NDUFA13: variants seen among roughly 807,000 people sequenced by gnomAD.
NDUFA13 encodes the protein NADH dehydrogenase [ubiquinone] 1 alpha subcomplex subunit 13.
A neutral mutation model predicts 17.0 loss-of-function variants in NDUFA13; 16 were observed. That is an observed-to-expected ratio of 0.94 (90% CI 0.64 to 1.43). NDUFA13 has a LOEUF of 1.43. NDUFA13 is among the 40% of genes most tolerant of loss of function. The pLI is 0.00. For synonymous variants in NDUFA13, 87 were observed against 78.4 expected, an observed-to-expected ratio of 1.11 and a Z score of -0.58; for missense variants, 228 against 206.7, an observed-to-expected ratio of 1.10 and a Z score of -0.63.
chr19:19,525,042 C>T (rs942730725), intron 1 of NDUFA13, among the ~76,000 whole-genome samples: 1 of 151,690 alleles, frequency 6.6e-6, no homozygotes, highest in African/African-American at 2.4e-5. Context: ...GTCTCAAAAC[C>T]AAAAACCAAA....
intron 1 of NDUFA13, among the ~76,000 whole-genome samples, chr19:19,523,916 C>T (rs975748332): frequency 1.3e-5 from 2 of 152,078 alleles, no homozygotes; most frequent in East Asian, 1.9e-4. Flanking sequence ...GGCTACAGAG[C>T]GAGACTTTGT....
At chr19:19,523,994 T>C (rs1232508289) in intron 1 of NDUFA13, among the ~76,000 whole-genome samples, 3 of 152,164 alleles carry the variant, frequency 2.0e-5, no homozygotes, top group African/African-American at 7.2e-5. Flanking sequence ...AGTTGCAAAC[T>C]CCTAGTCAAG....
intron 2 of NDUFA13, 39 bp downstream of exon 2, chr19:19,526,299 C>CG (rs772094689): frequency 6.2e-7 from 1 of 1,607,092 alleles, no homozygotes; most frequent in South Asian, 1.1e-5. Flanking sequence ...AGTGCCCCCC[C>CG]GGCGAGTTGT....
intron 1 of NDUFA13, among the ~76,000 whole-genome samples, chr19:19,522,672 G>A (rs1351562413): frequency 6.6e-6 from 1 of 151,910 alleles, no homozygotes; most frequent in Non-Finnish European, 1.5e-5. Flanking sequence ...TAGAGACAGG[G>A]TTTCACCGTG....
intron 1 of NDUFA13, among the ~76,000 whole-genome samples, chr19:19,524,133 A>C (rs981532243): frequency 1.2e-4 from 18 of 152,100 alleles, no homozygotes; most frequent in African/African-American, 4.3e-4. Flanking sequence ...AAACAAAAAG[A>C]ATGGTCCACA....
chr19:19,524,391 A>G (rs756804683), intron 1 of NDUFA13, among the ~76,000 whole-genome samples: 12 of 152,084 alleles, frequency 7.9e-5, no homozygotes, highest in Non-Finnish European at 1.5e-4. Context: ...TCTTCTTTGG[A>G]ATTTATCTTA....
In NDUFA13 at chr19:19,516,334, T is replaced by G; in HGVS notation, c.94+2T>G. The G allele has an allele frequency of 6.2e-7, 1 of 1,613,006 alleles. No individual in the cohort carries two copies. Among genetic ancestry groups the G allele is most frequent in the Non-Finnish European group, 8.5e-7 (1 of 1,179,926 alleles). On this transcript the variant is annotated splice_donor_variant, in intron 1 of 4. Coordinates refer to ENST00000507754, the MANE Select transcript of NDUFA13 (RefSeq NM_015965.7). LOFTEE classifies it high-confidence loss of function. The stretch of plus-strand genomic sequence containing the variant: ...ACTTGCCGCGTCGAGGACTGTCGGG[T>G]CAGTATCACTCTGCGCCGGGGTCTC...
chr19:19,516,517 T>A (rs1344054886), intron 1 of NDUFA13, among the ~76,000 whole-genome samples, 185 bp downstream of exon 1: 1 of 152,264 alleles, frequency 6.6e-6, no homozygotes, highest in Non-Finnish European at 1.5e-5. Flanking sequence ...CCAGCTCCTC[T>A]TCCTTCTCGT....
intron 1 of NDUFA13, among the ~76,000 whole-genome samples, chr19:19,525,297 G>A (rs1223441382): frequency 6.6e-6 from 1 of 152,226 alleles, no homozygotes; most frequent in Admixed American, 6.5e-5. Flanking sequence ...TCTAGCAGAG[G>A]TGCCCCCGTG....
chr19:19,519,997 C>G (rs1324434526), intron 1 of NDUFA13, among the ~76,000 whole-genome samples: 1 of 108,252 alleles, frequency 9.2e-6, no homozygotes, highest in African/African-American at 3.5e-5. Context: ...TTTTTTGAGA[C>G]AGAGTCTTGT....
intron 2 of NDUFA13, 186 bp downstream of exon 2, chr19:19,526,446 A>G: frequency 1.5e-6 from 1 of 665,986 alleles, no homozygotes; most frequent in South Asian, 1.7e-5. Context: ...TGTCCTCGAG[A>G]TGTCTCCATG....
chr19:19,527,625 G>A, intron 3 of NDUFA13, 76 bp from the exon 4 acceptor site: 3 of 1,198,874 alleles, frequency 2.5e-6, no homozygotes, highest in African/African-American at 1.5e-5. Context: ...GCTTGAAGGG[G>A]TGCTACTAGG....
intron 1 of NDUFA13, among the ~76,000 whole-genome samples, chr19:19,522,094 C>T (rs1156624853): frequency 6.6e-6 from 1 of 151,970 alleles, no homozygotes; most frequent in Non-Finnish European, 1.5e-5. Context: ...CACTTGAGGT[C>T]AGGAGTTTGA....
rs573414504 is a variant in NDUFA13 at position 19,526,131 on chromosome 19, G to A, written c.95-51G>A. 9 of 1,603,990 alleles carry A rather than the reference G, an allele frequency of 5.6e-6. No individual in the cohort carries two copies. The Admixed American group carries it at 8.5e-5, about 15-fold the overall frequency. ...AGTGGGCAGCGCCTGGAGCTGTGGA[G>A]GAGGGTGTCTGGGGGCGGGCTGGCC... On this transcript the variant is annotated intron_variant, in intron 1 of 4. Transcript: ENST00000507754.
At position 19,523,493 on chromosome 19, in the gene NDUFA13, C is replaced by T. The variant is rs1030287376; in HGVS notation, c.95-2689C>T. ...TTTGTTTTCTGAAACAAAGTTTTCT[C>T]TGTCACCTAGGCTGGAGTACAGTGG... is the stretch of plus-strand genomic sequence containing the variant. On this transcript the variant is annotated intron_variant, in intron 1 of 4. Transcript: ENST00000507754. Among the ~76,000 whole-genome samples the T allele has an allele frequency of 2.6e-5, 4 of 151,856 alleles. No individual in the cohort carries two copies. In the East Asian group the frequency reaches 7.7e-4, roughly 29 times the overall value.
At chr19:19,518,345 C>G (rs1311169339) in intron 1 of NDUFA13, among the ~76,000 whole-genome samples, 4 of 151,754 alleles carry the variant, frequency 2.6e-5, no homozygotes, top group Non-Finnish European at 4.4e-5. Flanking sequence ...AGCAATTCTC[C>G]TGTCTCAGCC....
At chr19:19,527,832 G>GAGCTCCCAC (rs1835546965) in intron 4 of NDUFA13, 62 bp downstream of exon 4, 1 of 1,519,658 alleles carries the variant, frequency 6.6e-7, no homozygotes, top group Middle Eastern at 1.7e-4. Context: ...TGGGGTTGGG[G>GAGCTCCCAC]AGCTCCCACA....
chr19:19,521,464 C>T (rs542279300), intron 1 of NDUFA13, among the ~76,000 whole-genome samples: 140 of 152,268 alleles, frequency 9.2e-4, no homozygotes, highest in Non-Finnish European at 1.7e-3. Context: ...GCTGTCCTCC[C>T]GCCTCAGCCT....
At chr19:19,517,353 G>T (rs2061054579) in intron 1 of NDUFA13, among the ~76,000 whole-genome samples, 1 of 151,890 alleles carries the variant, frequency 6.6e-6, no homozygotes, top group Admixed American at 6.6e-5. Flanking sequence ...CTCCTGAGAA[G>T]CTGGGATTAC....
Sources: allele counts gnomAD v4.1 joint callset (sites outside exome capture counted in the v4.1 genomes callset), GRCh38; gene constraint gnomAD v4.1.1; transcripts MANE v1.5; gene names NCBI Gene and HGNC (gene_info 2026-07-23, HGNC 2026-07-21).